The following TASP1 variants were observed in gnomAD, a reference collection of about 807,000 sequenced individuals.
TASP1 encodes taspase 1, also known as threonine aspartase 1.
In TASP1, 16 loss-of-function variants were observed where a neutral mutation model predicts 56.6. That is an observed-to-expected ratio of 0.28 (90% CI 0.19 to 0.43). The LOEUF (loss-of-function observed/expected upper bound fraction) is 0.43, where lower values mean the gene tolerates loss of function less well. TASP1 is among the 20% of genes least tolerant of loss of function. TASP1 has a pLI of 1.00. For synonymous variants in TASP1, 179 were observed against 184.2 expected (o/e 0.97, Z 0.23); for missense variants, 393 against 511.6 (o/e 0.77, Z 2.24).
chr20:13,288,753 T>C, the TASP1 span: 1 of 1,455,646 alleles, frequency 6.9e-7, no homozygotes, highest in Non-Finnish European at 9.4e-7. Flanking sequence ...AAAAACTTAG[T>C]GACATTGTCT....
At chr20:13,471,846 G>C (rs1272133206) in intron 11 of TASP1, among the ~76,000 whole-genome samples, 1 of 152,110 alleles carries the variant, frequency 6.6e-6, no homozygotes, top group African/African-American at 2.4e-5. Flanking sequence ...GACCACGGAG[G>C]GAGAGCCAAA....
At chr20:13,251,073 CT>C in the TASP1 span, among the ~76,000 whole-genome samples, 3 of 152,170 alleles carry the variant, frequency 2.0e-5, no homozygotes, top group African/African-American at 7.2e-5. Context: ...CTTAGCTGTT[CT>C]GCTCCTTGGA....
At chr20:13,533,668 G>C (rs2045309318) in intron 9 of TASP1, among the ~76,000 whole-genome samples, 1 of 152,096 alleles carries the variant, frequency 6.6e-6, no homozygotes. Context: ...AAAGCAAGCA[G>C]TATAGTCAAG....
chr20:13,311,216 T>TGATAGATAGATAGACAGATA, the TASP1 span, among the ~76,000 whole-genome samples: 2 of 133,298 alleles, frequency 1.5e-5, no homozygotes, highest in Admixed American at 1.5e-4. Flanking sequence ...TATAGATAGA[T>TGATAGATAGATAGACAGATA]GATAGATAGA....
At chr20:13,187,346 A>T in the TASP1 span, among the ~76,000 whole-genome samples, 1 of 152,110 alleles carries the variant, frequency 6.6e-6, no homozygotes, top group African/African-American at 2.4e-5. Flanking sequence ...AACTAATTAC[A>T]GACACTAAAC....
At chr20:13,403,336 A>G (rs930188721) in intron 13 of TASP1, among the ~76,000 whole-genome samples, 1 of 152,184 alleles carries the variant, frequency 6.6e-6, no homozygotes, top group Non-Finnish European at 1.5e-5. Context: ...GTCATAGTCA[A>G]TATAAATGCC....
chr20:13,305,432 C>T, the TASP1 span, among the ~76,000 whole-genome samples: 18 of 152,198 alleles, frequency 1.2e-4, no homozygotes, highest in African/African-American at 4.1e-4. Flanking sequence ...TCCCGACACA[C>T]AAAGAGTTAT....
At chr20:13,420,995 T>C (rs1380171293) in intron 12 of TASP1, among the ~76,000 whole-genome samples, 1 of 152,058 alleles carries the variant, frequency 6.6e-6, no homozygotes, top group Non-Finnish European at 1.5e-5. Context: ...TCTTAAAACA[T>C]TTTAAATCTC....
At chr20:13,154,287 T>G in the TASP1 span, 1 of 933,096 alleles carries the variant, frequency 1.1e-6, no homozygotes, top group Non-Finnish European at 1.6e-6. Flanking sequence ...CCTGTCACTC[T>G]ATCAGCTAGA....
intron 7 of TASP1, among the ~76,000 whole-genome samples, chr20:13,567,758 A>G (rs1362864220): frequency 6.6e-6 from 1 of 152,172 alleles, no homozygotes; most frequent in Non-Finnish European, 1.5e-5. Context: ...TCTCGTATGT[A>G]CTGAATAAGG....
At chr20:13,351,302 A>G in the TASP1 span, among the ~76,000 whole-genome samples, 1 of 152,186 alleles carries the variant, frequency 6.6e-6, no homozygotes, top group Non-Finnish European at 1.5e-5. Context: ...TACTTACCAT[A>G]TGACCCAAAA....
chr20:13,376,357 T>C, the TASP1 span, among the ~76,000 whole-genome samples: 9 of 152,320 alleles, frequency 5.9e-5, no homozygotes, highest in African/African-American at 2.2e-4. Flanking sequence ...CTTGTTTTTG[T>C]CAGGTTTGTC....
chr20:13,350,217 A>AT, the TASP1 span, among the ~76,000 whole-genome samples: 1 of 142,534 alleles, frequency 7.0e-6, no homozygotes, highest in African/African-American at 2.8e-5. Flanking sequence ...AAAAACTCCA[A>AT]AAACTAATGA....
At chr20:13,430,639 G>C (rs1298414408) in intron 12 of TASP1, among the ~76,000 whole-genome samples, 1 of 152,156 alleles carries the variant, frequency 6.6e-6, no homozygotes, top group Non-Finnish European at 1.5e-5. Context: ...TTTCACTTCT[G>C]CCATAAATTT....
intron 11 of TASP1, among the ~76,000 whole-genome samples, chr20:13,437,197 G>A: frequency 6.6e-6 from 1 of 152,042 alleles, no homozygotes; most frequent in Non-Finnish European, 1.5e-5. Context: ...TGCAAGGCTG[G>A]TTCAACATAC....
the TASP1 span, among the ~76,000 whole-genome samples, chr20:13,225,100 G>T: frequency 6.6e-6 from 1 of 151,154 alleles, no homozygotes; most frequent in Non-Finnish European, 1.5e-5. Context: ...TGATCCGCCC[G>T]CCTTGGCCTC....
At chr20:13,519,430 A>C (rs1464567664) in intron 10 of TASP1, among the ~76,000 whole-genome samples, 1 of 152,242 alleles carries the variant, frequency 6.6e-6, no homozygotes, top group East Asian at 1.9e-4. Context: ...ACCATGATCA[A>C]GTGGGCTTCA....
chr20:13,363,653 T>A, the TASP1 span, among the ~76,000 whole-genome samples: 3 of 152,150 alleles, frequency 2.0e-5, no homozygotes, highest in Non-Finnish European at 4.4e-5. Context: ...GAAGTCAGGG[T>A]TGGGGAAGGG....
the TASP1 span, among the ~76,000 whole-genome samples, chr20:13,142,977 G>C: frequency 6.6e-6 from 1 of 152,110 alleles, no homozygotes; most frequent in Admixed American, 6.5e-5. Context: ...CCTAATCAGG[G>C]CTCTCTTAAT....
Sources: gnomAD v4.1 joint callset for allele counts (sites outside exome capture counted in the v4.1 genomes callset) on GRCh38, gnomAD v4.1.1 for gene constraint, MANE v1.5 for transcripts, NCBI Gene and HGNC (gene_info 2026-07-23, HGNC 2026-07-21) for gene names.